Variants in SIPA1L1 observed in about 807,000 individuals in gnomAD.
SIPA1L1 encodes signal-induced proliferation-associated 1-like protein 1.
SIPA1L1 carries 26 observed loss-of-function variants against 162.7 expected under a neutral mutation model. The ratio of observed to expected loss-of-function variants is 0.16; its 90% CI spans 0.12 to 0.22. SIPA1L1 has a LOEUF of 0.22. Among genes scored for constraint, SIPA1L1 ranks in the 10% least tolerant of loss-of-function variants. The probability of loss-of-function intolerance (pLI) is 1.00; values close to 1 mark genes in which losing one functional copy is unlikely to be tolerated. For missense variants in SIPA1L1, 1,874 were observed against 2,241.0 expected, an observed-to-expected ratio of 0.84 and a Z score of 3.31; for synonymous variants, 829 against 837.4, an observed-to-expected ratio of 0.99 and a Z score of 0.17.
At chr14:71,548,018 A>T (rs2055406197) in intron 4 of SIPA1L1, among the ~76,000 whole-genome samples, 1 of 152,208 alleles carries the variant, frequency 6.6e-6, no homozygotes, top group Admixed American at 6.5e-5. Flanking sequence ...GACATCACAG[A>T]ATAGATTTTA....
At position 71,589,313 on chromosome 14, in the gene SIPA1L1, A is replaced by G; in HGVS notation, c.1441A>G (p.Ile481Val). ...GCACCTAGATAGAGTGAAAAGATAC[A>G]TCGTGGAACACGTAGATCTGGGTGC... ...VLHLDRVKRY[I>V]VEHVDLGAYY... The change falls in exon 5 of 24, where the codon ATC (isoleucine) becomes GTC (valine). Residue 481 changes from isoleucine to valine, a missense_variant. Coordinates refer to ENST00000381232, the MANE Select transcript of SIPA1L1 (RefSeq NM_001386936.1). 2 of 1,613,940 alleles carry G rather than the reference A, an allele frequency of 1.2e-6. No individual in the cohort carries two copies. Among genetic ancestry groups the G allele is most frequent in the Non-Finnish European group, 1.7e-6 (2 of 1,179,850 alleles).
chr14:71,621,110 A>G (rs1033900006), intron 6 of SIPA1L1, among the ~76,000 whole-genome samples: 2 of 152,142 alleles, frequency 1.3e-5, no homozygotes, highest in African/African-American at 4.8e-5. Context: ...CAATATGCCC[A>G]GAGCTCAACT....
chr14:71,342,754 C>T lies in SIPA1L1; in HGVS notation c.-465+21573C>T, dbSNP rs866566610. Among the ~76,000 whole-genome samples the T allele has an allele frequency of 4.6e-5, 7 of 152,196 alleles. No individual in the cohort carries two copies. The South Asian group carries it at 1.4e-3, about 32-fold the overall frequency. On this transcript the variant is annotated intron_variant, in intron 2 of 23. Transcript: ENST00000381232. Reference sequence around the variant, plus strand: ...TTACGTACAGCTCATTTCTCCAAACCAAATATTTGAGATTTCTCTTTCATG... The same window carrying T: ...TTACGTACAGCTCATTTCTCCAAACTAAATATTTGAGATTTCTCTTTCATG...
chr14:71,618,668 G>T, intron 5 of SIPA1L1, 89 bp from the exon 6 acceptor site: 1 of 1,165,688 alleles, frequency 8.6e-7, no homozygotes, highest in African/African-American at 1.5e-5. Flanking sequence ...TAAAATTTCT[G>T]AGTGACAACC....
intron 5 of SIPA1L1, among the ~76,000 whole-genome samples, chr14:71,590,766 G>T (rs2035282248): frequency 6.6e-6 from 1 of 152,158 alleles, no homozygotes; most frequent in African/African-American, 2.4e-5. Flanking sequence ...TAAGGTACAA[G>T]GTTTCTCATT....
At chr14:71,640,740 T>A (rs549960759) in intron 7 of SIPA1L1, among the ~76,000 whole-genome samples, 192 of 152,338 alleles carry the variant, frequency 1.3e-3, no homozygotes, top group African/African-American at 4.2e-3. Flanking sequence ...TTCTTGTGCC[T>A]CAGCCTCCCG....
At chr14:71,695,509 A>G (rs1022302690) in intron 13 of SIPA1L1, among the ~76,000 whole-genome samples, 1 of 152,234 alleles carries the variant, frequency 6.6e-6, no homozygotes, top group African/African-American at 2.4e-5. Context: ...AGGGTAAGAA[A>G]AGCAGCCTCT....
intron 4 of SIPA1L1, among the ~76,000 whole-genome samples, chr14:71,569,870 G>A (rs145022764): frequency 2.4e-3 from 359 of 152,272 alleles, no homozygotes; most frequent in African/African-American, 8.2e-3. Context: ...AAATGGATTC[G>A]CCTCTTTCCT....
intron 10 of SIPA1L1, among the ~76,000 whole-genome samples, 200 bp from the exon 11 acceptor site, chr14:71,670,919 A>C (rs552617665): frequency 6.6e-6 from 1 of 152,222 alleles, no homozygotes; most frequent in Non-Finnish European, 1.5e-5. Flanking sequence ...CTAGAAAAAA[A>C]ATTATGTTGT....
chr14:71,613,333 C>T (rs2038436674), intron 5 of SIPA1L1, among the ~76,000 whole-genome samples: 1 of 150,522 alleles, frequency 6.6e-6, no homozygotes, highest in South Asian at 2.1e-4. Flanking sequence ...TTCTTTAAAT[C>T]AAAGTTGCCA....
Position 71,671,428 on chromosome 14 carries a change from C to T in SIPA1L1, c.2565C>T (p.Ser855=), listed in dbSNP as rs2149367508. Residue 855 remains serine (S), a synonymous_variant, in exon 11 of 24, where the codon AGC becomes AGT. Transcript: ENST00000381232. ...CATATCCAGGAGCCGAGCTCAGCAG[C>T]ATGGGGGCCATTGTATGGGCAGTCC... ...SKPYPGAELS[S]MGAIVWAVRA... is the part of the protein sequence containing the mutation. 1.2e-6 allele frequency: 2 copies of T among 1,614,206 alleles called. No homozygotes were observed. Among genetic ancestry groups the T allele is most frequent in the Non-Finnish European group, 1.7e-6 (2 of 1,180,040 alleles).
chr14:71,612,587 C>T (rs772766284), intron 5 of SIPA1L1, among the ~76,000 whole-genome samples: 3 of 152,130 alleles, frequency 2.0e-5, no homozygotes, highest in Admixed American at 6.5e-5. Context: ...GGGAAGTATG[C>T]AACTGAAATA....
chr14:71,356,810 G>A (rs1028604836), intron 2 of SIPA1L1, among the ~76,000 whole-genome samples: 2 of 151,028 alleles, frequency 1.3e-5, no homozygotes, highest in African/African-American at 2.4e-5. Flanking sequence ...AGCTAGCAGG[G>A]GTATGTTGAT....
At chr14:71,464,634 C>T (rs2046847969) in intron 2 of SIPA1L1, among the ~76,000 whole-genome samples, 1 of 151,524 alleles carries the variant, frequency 6.6e-6, no homozygotes, top group Non-Finnish European at 1.5e-5. Context: ...GAGGGAGACT[C>T]CATCTCAAAA....
chr14:71,361,682 G>C (rs2037830161), intron 2 of SIPA1L1, among the ~76,000 whole-genome samples: 1 of 152,142 alleles, frequency 6.6e-6, no homozygotes, highest in African/African-American at 2.4e-5. Flanking sequence ...TGAGACCTTA[G>C]GATTTTTAAG....
intron 2 of SIPA1L1, among the ~76,000 whole-genome samples, chr14:71,462,626 T>C (rs2141938862): frequency 6.6e-6 from 1 of 152,346 alleles, no homozygotes; most frequent in East Asian, 1.9e-4. Flanking sequence ...CTAGAAATTT[T>C]ACTGAAGTGG....
chr14:71,555,347 A>G (rs2056258672), intron 4 of SIPA1L1, among the ~76,000 whole-genome samples: 1 of 152,180 alleles, frequency 6.6e-6, no homozygotes. Flanking sequence ...TGATGAACCA[A>G]TGTCTGCTGG....
rs749910004 is a variant in SIPA1L1 at position 71,702,473 on chromosome 14, A to G, written c.3614A>G (p.Gln1205Arg). The change falls in exon 15 of 24, where the codon CAA becomes CGA. Residue 1205 changes from glutamine (Q) to arginine (R), a missense_variant. Gln to Arg is a conservative substitution (Grantham distance 43). Around this residue, in one of 5 missense-constraint regions of SIPA1L1, gnomAD observed 936 missense variants for 1,051.9 expected, o/e 0.89. Transcript: ENST00000381232. The stretch of plus-strand genomic sequence containing the variant: ...AGCGGAAAATCCACGCCTAGCTGGC[A>G]AAGAAGTGAGGATAGCATTGCTGAC... ...GGSGKSTPSW[Q>R]RSEDSIADQM... 7.4e-6 allele frequency: 12 copies of G among 1,614,226 alleles called. No individual in the cohort carries two copies. The highest frequency in any genetic ancestry group is 1.1e-5 in the South Asian group (1 of 91,090).
At chr14:71,673,906 A>G (rs530663251) in intron 12 of SIPA1L1, among the ~76,000 whole-genome samples, 34 of 152,218 alleles carry the variant, frequency 2.2e-4, no homozygotes, top group Non-Finnish European at 4.4e-4. Context: ...TCATCATTAA[A>G]TGTTAAGTAA....
Sources: gnomAD v4.1 joint callset for allele counts (sites outside exome capture counted in the v4.1 genomes callset) on GRCh38, gnomAD v4.1.1 for gene constraint, gnomAD v4.1.1 regional missense constraint, MANE v1.5 for transcripts, NCBI Gene and HGNC (gene_info 2026-07-23, HGNC 2026-07-21) for gene names.